RNF128: variants seen among roughly 807,000 people sequenced by gnomAD.
The protein encoded by RNF128 is ring finger protein 128, also known as E3 ubiquitin-protein ligase RNF128.
In RNF128, 13 loss-of-function variants were observed where a neutral mutation model predicts 26.2. The ratio of observed to expected loss-of-function variants is 0.50; its 90% confidence interval spans 0.32 to 0.79. The LOEUF is 0.79. RNF128 is among the 30% of genes least tolerant of loss of function. RNF128 has a pLI of 0.03. For missense variants in RNF128, 315 were observed against 349.7 expected (o/e 0.90, Z 0.79); for synonymous variants, 149 against 142.5 (o/e 1.05, Z -0.32).
intron 1 of RNF128, among the ~76,000 whole-genome samples, chrX:106,745,897 C>T (rs2147678262): frequency 9.0e-6 from 1 of 110,948 alleles, no homozygotes; most frequent in African/African-American, 3.3e-5. Flanking sequence ...AGTTTGGTAT[C>T]ACCCTTTGAA....
chrX:106,746,051 C>T (rs770243874), intron 1 of RNF128, among the ~76,000 whole-genome samples: 2 of 111,157 alleles, frequency 1.8e-5, no homozygotes, highest in Non-Finnish European at 1.9e-5. Context: ...ATGTTTGTTA[C>T]GTTGGAACTC....
intron 1 of RNF128, among the ~76,000 whole-genome samples, chrX:106,733,912 G>A (rs978742357): frequency 1.8e-5 from 2 of 111,369 alleles, no homozygotes; most frequent in Non-Finnish European, 3.8e-5. Flanking sequence ...TGTTGGCCAG[G>A]CTGGTCTCTA....
chrX:106,786,808 C>G (rs1241135751), intron 3 of RNF128, among the ~76,000 whole-genome samples: 3 of 109,997 alleles, frequency 2.7e-5, no homozygotes, highest in Admixed American at 1.9e-4. Context: ...GACAATTCAC[C>G]AAAAAAATAT....
intron 1 of RNF128, among the ~76,000 whole-genome samples, chrX:106,763,653 C>T (rs973474379): frequency 9.0e-6 from 1 of 110,801 alleles, no homozygotes; most frequent in Non-Finnish European, 1.9e-5. Context: ...ACTACAGGCG[C>T]CCGCCACCAC....
chrX:106,706,747 G>A (rs1217322816), intron 1 of RNF128, among the ~76,000 whole-genome samples: 2 of 112,413 alleles, frequency 1.8e-5, no homozygotes, highest in Non-Finnish European at 3.8e-5. Context: ...AAAGAAATAA[G>A]AGTATGTGGT....
At chrX:106,717,072 G>A (rs1364943448) in intron 1 of RNF128, among the ~76,000 whole-genome samples, 1 of 110,202 alleles carries the variant, frequency 9.1e-6, no homozygotes, top group Non-Finnish European at 1.9e-5. Flanking sequence ...GCGTGGTGGC[G>A]GGCGCCTGTA....
rs1929412187 is a variant in RNF128 at position 106,727,022 on chromosome X, C to T, written c.109C>T (p.Arg37Trp). The T allele has an allele frequency of 3.3e-6, 4 of 1,204,828 alleles. No homozygotes were observed. The African/African-American group carries it at 6.9e-5, about 21-fold the overall frequency. Residue 37 changes from arginine (R) to tryptophan (W), a missense_variant, in exon 1 of 7, where the codon CGG becomes TGG. By Grantham distance (101) the Arg-to-Trp change is moderately radical. Coordinates refer to ENST00000255499, the MANE Select transcript of RNF128 (RefSeq NM_194463.2). The stretch of plus-strand genomic sequence containing the variant: ...CCTGAGTCCGCAGGCACCCGGTTCC[C>T]GGGGGGCTGAAGCAGTGTGGACCGC... ...LALSPQAPGSRGAEAVWTAYL... is the reference protein window; with the variant it reads ...LALSPQAPGSWGAEAVWTAYL...
At chrX:106,736,982 A>T (rs188574674) in intron 1 of RNF128, among the ~76,000 whole-genome samples, 1 of 111,363 alleles carries the variant, frequency 9.0e-6, no homozygotes, top group African/African-American at 3.3e-5. Flanking sequence ...AGTATGGATT[A>T]TTATATTATT....
chrX:106,762,926 G>A (rs1199701283), intron 1 of RNF128, among the ~76,000 whole-genome samples: 3 of 108,967 alleles, frequency 2.8e-5, no homozygotes, highest in Non-Finnish European at 3.8e-5. Flanking sequence ...CTTATTACAT[G>A]GATGATGAAA....
intron 2 of RNF128, among the ~76,000 whole-genome samples, chrX:106,784,350 C>T (rs1252302321): frequency 9.0e-6 from 1 of 111,499 alleles, no homozygotes; most frequent in Non-Finnish European, 1.9e-5. Context: ...CCCAACTTCA[C>T]TTCTGACTCA....
chrX:106,694,991 G>A (rs1325383767), intron 1 of RNF128, among the ~76,000 whole-genome samples: 1 of 111,388 alleles, frequency 9.0e-6, no homozygotes, highest in Non-Finnish European at 1.9e-5. Context: ...GGATAACACT[G>A]TAATTAACAA....
At chrX:106,703,801 G>A (rs929930531) in intron 1 of RNF128, among the ~76,000 whole-genome samples, 24 of 109,834 alleles carry the variant, frequency 2.2e-4, no homozygotes, top group Non-Finnish European at 4.2e-4. Context: ...AAGTGAGAGA[G>A]TTATAGGATA....
At chrX:106,751,455 C>G (rs1929882948) in intron 1 of RNF128, among the ~76,000 whole-genome samples, 1 of 110,819 alleles carries the variant, frequency 9.0e-6, no homozygotes, top group Admixed American at 9.6e-5. Context: ...CTAAAGTGCC[C>G]TGGGGTCCTA....
intron 2 of RNF128, among the ~76,000 whole-genome samples, chrX:106,774,673 C>T (rs1409912019): frequency 8.9e-6 from 1 of 112,208 alleles, no homozygotes; most frequent in Non-Finnish European, 1.9e-5. Flanking sequence ...GCTTCTGCCC[C>T]AGTCAAAGCC....
At chrX:106,709,577 G>A (rs1008961817) in intron 1 of RNF128, among the ~76,000 whole-genome samples, 1 of 108,402 alleles carries the variant, frequency 9.2e-6, no homozygotes, top group African/African-American at 3.4e-5. Flanking sequence ...ATGGAGTTTC[G>A]CTCTTGTTGC....
At chrX:106,710,069 T>C (rs1189567933) in intron 1 of RNF128, among the ~76,000 whole-genome samples, 1 of 112,009 alleles carries the variant, frequency 8.9e-6, no homozygotes, top group African/African-American at 3.3e-5. Flanking sequence ...TCATATAAAT[T>C]TTAAATACTG....
chrX:106,776,895 ATAAGT>A (rs1353848822), intron 2 of RNF128, among the ~76,000 whole-genome samples: 1 of 111,700 alleles, frequency 9.0e-6, no homozygotes, highest in Non-Finnish European at 1.9e-5. Flanking sequence ...TGATAATAAT[ATAAGT>A]TGAGACAAAT....
chrX:106,698,537 A>G (rs1156287614), intron 1 of RNF128, among the ~76,000 whole-genome samples: 1 of 111,846 alleles, frequency 8.9e-6, no homozygotes, highest in African/African-American at 3.2e-5. Context: ...GGTAAAACTA[A>G]CTCAGATATG....
chrX:106,755,985 A>C (rs1230102428), intron 1 of RNF128, among the ~76,000 whole-genome samples: 2 of 110,730 alleles, frequency 1.8e-5, no homozygotes, highest in Admixed American at 1.9e-4. Flanking sequence ...TCCCATTCAC[A>C]ATTGCTTCAA....
Sources: gnomAD v4.1 joint callset for allele counts (sites outside exome capture counted in the v4.1 genomes callset) on GRCh38, gnomAD v4.1.1 for gene constraint, MANE v1.5 for transcripts, NCBI Gene and HGNC (gene_info 2026-07-23, HGNC 2026-07-21) for gene names.